Variants in USP36 observed in about 807,000 individuals in gnomAD.
USP36 encodes ubiquitin carboxyl-terminal hydrolase 36.
USP36 carries 59 observed loss-of-function variants against 111.5 expected under a neutral mutation model. The observed-to-expected ratio is 0.53, with a 90% confidence interval of 0.43 to 0.66. The LOEUF is 0.66. USP36 is among the 30% of genes least tolerant of loss of function. The pLI is 0.00. For missense variants in USP36, 1,488 were observed against 1,468.0 expected, an observed-to-expected ratio of 1.01 and a Z score of -0.22; for synonymous variants, 628 against 581.0, an observed-to-expected ratio of 1.08 and a Z score of -1.16.
intron 13 of USP36, among the ~76,000 whole-genome samples, chr17:78,810,562 G>A (rs1288373536): frequency 6.6e-6 from 1 of 152,174 alleles, no homozygotes; most frequent in Non-Finnish European, 1.5e-5. Flanking sequence ...TTACAGACAT[G>A]AGTCACAGTC....
rs1169884823 is a variant in USP36, at chr17:78,796,520, A to G, written c.*1380T>C. Reference sequence around the variant, plus strand: ...CTAAGAAGAGAAACGTAAAAACAGAAGAAAATCCAAAAAGAGACACCCACC... The same window carrying G: ...CTAAGAAGAGAAACGTAAAAACAGAGGAAAATCCAAAAAGAGACACCCACC... On this transcript the variant is annotated 3_prime_UTR_variant, in exon 21 of 21. Transcript: ENST00000449938. The G allele has an allele frequency of 6.6e-6, 1 of 152,214 alleles. No homozygotes were observed. Among genetic ancestry groups the G allele is most frequent in the Non-Finnish European group, 1.5e-5 (1 of 68,042 alleles). 9.4% of individuals were successfully genotyped at this position (152,214 alleles called of 1,614,324 possible). A position where few individuals can be genotyped will look rare whatever the true frequency, so the allele number is the denominator to read the frequency against.
In USP36 at chr17:78,796,995, C is replaced by A. The variant is rs2093638981; in HGVS notation, c.*905G>T. 1 of 152,146 alleles carries A rather than the reference C, an allele frequency of 6.6e-6. No individual in the cohort carries two copies. Among genetic ancestry groups the A allele is most frequent in the Admixed American group, 6.5e-5 (1 of 15,276 alleles). 9.4% of individuals were successfully genotyped at this position (152,146 alleles called of 1,614,324 possible). A position where few individuals can be genotyped will look rare whatever the true frequency, so the allele number is the denominator to read the frequency against. On this transcript the variant is annotated 3_prime_UTR_variant, in exon 21 of 21. Coordinates refer to ENST00000449938, the MANE Select transcript of USP36 (RefSeq NM_001385174.1). ...AATCATTTAAATTCCAAAGCACTCA[C>A]AAAATTGAGCAAACAAAGCCACTAT...
At chr17:78,839,623 T>C (rs1227484320) in intron 1 of USP36, among the ~76,000 whole-genome samples, 2 of 152,188 alleles carry the variant, frequency 1.3e-5, no homozygotes, top group Non-Finnish European at 2.9e-5. Flanking sequence ...ATAAGTAACT[T>C]TGAACTTAAC....
Position 78,798,521 on chromosome 17 carries a change from T to C in USP36, c.3271A>G (p.Lys1091Glu), listed in dbSNP as rs1403441812. 3 of 1,613,916 alleles carry C rather than the reference T, an allele frequency of 1.9e-6. No individual in the cohort carries two copies. The highest frequency in any genetic ancestry group is 1.7e-6 in the Non-Finnish European group (2 of 1,179,956). ...TGGAAGGCGTTGAAGTTTCTCCTCT[T>C]CTCTCTCTTAAATTTTTTAATTTTC... ...EKKIKKFKRE[K>E]RRNFNAFQKL... Residue 1091 changes from lysine to glutamate, a missense_variant, in exon 20 of 21, where the codon AAG (lysine) becomes GAG (glutamate). Transcript: ENST00000449938. The surrounding 1 kb of genome is among the most constrained non-coding windows in gnomAD (Gnocchi z 5.1).
intron 4 of USP36, among the ~76,000 whole-genome samples, chr17:78,833,386 A>G (rs2068332022): frequency 6.6e-6 from 1 of 151,756 alleles, no homozygotes; most frequent in Non-Finnish European, 1.5e-5. Context: ...GGTTCAAGTG[A>G]TTCTCCTGCC....
At chr17:78,829,529 G>A (rs993383530) in intron 4 of USP36, among the ~76,000 whole-genome samples, 1 of 152,146 alleles carries the variant, frequency 6.6e-6, no homozygotes. Flanking sequence ...TGTTTTCTGG[G>A]AAGATCCAGA....
At chr17:78,838,782 G>C (rs1348712093) in intron 1 of USP36, 32 bp from the exon 2 acceptor site, 1 of 152,380 alleles carries the variant, frequency 6.6e-6, no homozygotes, top group Non-Finnish European at 1.5e-5. Flanking sequence ...CATCAGTGGA[G>C]GCGACTCTTC....
chr17:78,831,296 T>C (rs140576306), intron 4 of USP36, among the ~76,000 whole-genome samples: 17 of 125,966 alleles, frequency 1.3e-4, no homozygotes, highest in Admixed American at 8.0e-4. Context: ...TTCCAAAACC[T>C]AACTTCAGGT....
In USP36 at chr17:78,799,012, CCCAGGTCAGAACTA is replaced by C. The variant is rs770729352; in HGVS notation, c.3125-3_3135del. 1.2e-6 allele frequency: 2 copies of C among 1,614,038 alleles called. No individual in the cohort carries two copies. Among genetic ancestry groups the C allele is most frequent in the Non-Finnish European group, 1.7e-6 (2 of 1,180,040 alleles). On this transcript the variant is annotated splice_acceptor_variant and splice_polypyrimidine_tract_variant and coding_sequence_variant and intron_variant, in exon 19 of 21. Transcript: ENST00000449938. LOFTEE classifies it high-confidence loss of function. ...TGACTGACCGCCGACATCTTGCCAT[CCCAGGTCAGAACTA>C]CCAGGCAGACACGGGGGTCAGCACG...
At chr17:78,814,906 G>C (rs889946426) in intron 10 of USP36, among the ~76,000 whole-genome samples, 3 of 149,958 alleles carry the variant, frequency 2.0e-5, no homozygotes, top group African/African-American at 7.4e-5. Context: ...AGCCGAGATC[G>C]AGCCACTGCA....
At chr17:78,814,001 TAAC>T (rs1464410076) in intron 11 of USP36, 128 bp from the exon 12 acceptor site, 8 of 763,354 alleles carry the variant, frequency 1.0e-5, no homozygotes, top group South Asian at 1.8e-5. Context: ...AATCAACAGG[TAAC>T]AACTTCTATT....
At chr17:78,838,386 A>C (rs893657953) in intron 2 of USP36, among the ~76,000 whole-genome samples, 2 of 149,096 alleles carry the variant, frequency 1.3e-5, no homozygotes, top group African/African-American at 2.5e-5. Flanking sequence ...AAAAAAAAAA[A>C]CAAAAAACAA....
chr17:78,838,270 G>A (rs2068864732), intron 2 of USP36, among the ~76,000 whole-genome samples: 2 of 151,594 alleles, frequency 1.3e-5, no homozygotes, highest in Non-Finnish European at 2.9e-5. Context: ...CTACGCAGGA[G>A]GCTGAGGCAG....
chr17:78,816,142 G>A (rs2094182934), intron 10 of USP36, among the ~76,000 whole-genome samples: 2 of 151,536 alleles, frequency 1.3e-5, no homozygotes, highest in Admixed American at 6.6e-5. Context: ...TAGGAACTCC[G>A]AAAAACATAC....
chr17:78,798,384 C>A lies in USP36; in HGVS notation c.*20+16G>T. 1.2e-6 allele frequency: 2 copies of A among 1,612,986 alleles called. No individual in the cohort carries two copies. Among genetic ancestry groups the A allele is most frequent in the Non-Finnish European group, 1.7e-6 (2 of 1,179,828 alleles). ...CACCCCCACCTCACCCTTACACCCA[C>A]CCCCTCGGAACCGACCTCCTTCCAC... On this transcript the variant is annotated intron_variant, in intron 20 of 20. Coordinates refer to ENST00000449938, the MANE Select transcript of USP36 (RefSeq NM_001385174.1). The surrounding 1 kb of genome is among the most constrained non-coding windows in gnomAD (Gnocchi z 5.1).
rs1190343737 is a variant in USP36 at position 78,812,804 on chromosome 17, G to A, written c.1407+56C>T. 5 of 1,601,426 alleles carry A rather than the reference G, an allele frequency of 3.1e-6. No homozygotes were observed. In the South Asian group the frequency reaches 3.3e-5, roughly 11 times the overall value. On this transcript the variant is annotated intron_variant, in intron 13 of 20. Coordinates refer to ENST00000449938, the MANE Select transcript of USP36 (RefSeq NM_001385174.1). ...GTGGCCAACTTCCCAAGTGTGAGGA[G>A]GTCTGTGAGGAGCACCAAGACCAGC...
chr17:78,821,107 C>G, intron 7 of USP36, 46 bp from the exon 8 acceptor site: 15 of 1,552,086 alleles, frequency 9.7e-6, no homozygotes, highest in Non-Finnish European at 1.3e-5. Context: ...CTGGCAGAGG[C>G]ACTCCCAGCT....
rs1357274491 is a variant in USP36 at position 78,803,680 on chromosome 17, C to A, written c.2515G>T (p.Ala839Ser). The part of the protein sequence containing the change: ...LPQHIREATA[A>S]PHGKRKRKKK... ...TTCCTCTTCCTCTTCCCGTGGGGAGCCGCAGTGGCCTCCCTGATGTGCTGT... is the reference window on the plus strand; with the variant it reads ...TTCCTCTTCCTCTTCCCGTGGGGAGACGCAGTGGCCTCCCTGATGTGCTGT... Residue 839 changes from alanine to serine, a missense_variant, in exon 16 of 21, where the codon GCT (alanine) becomes TCT (serine). Ala to Ser is a moderately conservative substitution (Grantham distance 99). This residue lies in a region of USP36 where 1,073 missense variants were observed against 994.1 expected (regional missense o/e 1.08). Transcript: ENST00000449938. The surrounding 1 kb of genome is among the most constrained non-coding windows in gnomAD (Gnocchi z 4.6). 12 of 1,609,986 alleles carry A rather than the reference C, an allele frequency of 7.5e-6. No homozygotes were observed. Among genetic ancestry groups the A allele is most frequent in the Non-Finnish European group, 9.3e-6 (11 of 1,179,218 alleles).
chr17:78,836,548 T>C (rs567688547), intron 2 of USP36, among the ~76,000 whole-genome samples, 176 bp from the exon 3 acceptor site: 122 of 152,226 alleles, frequency 8.0e-4, no homozygotes, highest in African/African-American at 2.8e-3. Flanking sequence ...ACTAATCACT[T>C]GGACATATTA....
Sources: allele counts gnomAD v4.1 joint callset (sites outside exome capture counted in the v4.1 genomes callset), GRCh38; gene constraint gnomAD v4.1.1; regional missense constraint gnomAD v4.1.1; non-coding constraint Gnocchi (gnomAD v3.1); transcripts MANE v1.5; gene names NCBI Gene and HGNC (gene_info 2026-07-23, HGNC 2026-07-21).